COMMD1: variants seen among roughly 807,000 people sequenced by gnomAD.
The protein encoded by COMMD1 is COMM domain-containing protein 1.
In COMMD1, 10 loss-of-function variants were observed where a neutral mutation model predicts 17.2. That is an observed-to-expected ratio of 0.58 (90% CI 0.36 to 0.99). The LOEUF is 0.99. Among genes scored for constraint, COMMD1 ranks in the 50% least tolerant of loss-of-function variants. The probability of loss-of-function intolerance (pLI) is 0.01; values close to 1 mark genes in which losing one functional copy is unlikely to be tolerated. For missense variants in COMMD1, 270 were observed against 231.8 expected (o/e 1.17, Z -1.07); for synonymous variants, 97 against 91.6 (o/e 1.06, Z -0.34).
chr2:61,907,098 T>C (rs182857900), intron 1 of COMMD1, among the ~76,000 whole-genome samples: 2 of 152,294 alleles, frequency 1.3e-5, no homozygotes, highest in East Asian at 3.9e-4. Context: ...AGTGAATGCT[T>C]TCTATTTCTT....
At chr2:62,010,262 C>T (rs556206569) in intron 2 of COMMD1, among the ~76,000 whole-genome samples, 5 of 151,984 alleles carry the variant, frequency 3.3e-5, no homozygotes, top group East Asian at 1.9e-4. Flanking sequence ...TCCAGAATAC[C>T]GCATTTGCCT....
intron 2 of COMMD1, among the ~76,000 whole-genome samples, chr2:62,028,492 C>T (rs2103870647): frequency 6.6e-6 from 1 of 152,158 alleles, no homozygotes; most frequent in Middle Eastern, 3.4e-3. Flanking sequence ...AAGATTTTGA[C>T]AAAAACTTGA....
chr2:61,999,768 G>A (rs1035151333), intron 1 of COMMD1, among the ~76,000 whole-genome samples: 3 of 151,688 alleles, frequency 2.0e-5, no homozygotes, highest in Admixed American at 6.6e-5. Flanking sequence ...TTATCTCCCC[G>A]CCATAGAACT....
At chr2:62,113,958 C>T (rs1348988682) in intron 2 of COMMD1, among the ~76,000 whole-genome samples, 1 of 152,204 alleles carries the variant, frequency 6.6e-6, no homozygotes, top group African/African-American at 2.4e-5. Context: ...TGTAAATACT[C>T]ATCACAGCCC....
At chr2:62,019,068 C>G (rs1034288060) in intron 2 of COMMD1, among the ~76,000 whole-genome samples, 18 of 116,390 alleles carry the variant, frequency 1.5e-4, no homozygotes, top group Admixed American at 1.7e-4. Flanking sequence ...CTTTCTCTCT[C>G]TCTTTCTCTC....
chr2:61,960,879 G>T (rs1290503778), intron 1 of COMMD1, among the ~76,000 whole-genome samples: 2 of 152,172 alleles, frequency 1.3e-5, no homozygotes, highest in African/African-American at 2.4e-5. Context: ...CTTGGCCCTC[G>T]GGCGAGGTTA....
At chr2:62,062,314 A>G (rs1317215130) in intron 2 of COMMD1, among the ~76,000 whole-genome samples, 2 of 150,372 alleles carry the variant, frequency 1.3e-5, no homozygotes, top group African/African-American at 2.5e-5. Context: ...GCAACCTGCC[A>G]CTCCCAGGTT....
Position 62,027,700 on chromosome 2 carries a change from G to A in COMMD1, c.462+26718G>A, listed in dbSNP as rs187439233. Among the ~76,000 whole-genome samples the A allele has an allele frequency of 4.8e-3, 729 of 151,564 alleles. 7 individuals carry two copies. Among genetic ancestry groups the A allele is most frequent in the African/African-American group, 0.016 (651 of 41,122 alleles). On this transcript the variant is annotated intron_variant, in intron 2 of 2. Coordinates refer to ENST00000311832, the MANE Select transcript of COMMD1 (RefSeq NM_152516.4). ...TGTTATGTTATTTTTTTGAGACAAG[G>A]TCTCGCTCTGTCACCCAGGCTGGAG...
intron 1 of COMMD1, among the ~76,000 whole-genome samples, chr2:61,956,759 T>C (rs1671208422): frequency 6.6e-6 from 1 of 151,680 alleles, no homozygotes; most frequent in African/African-American, 2.4e-5. Flanking sequence ...TGTTTGTTTG[T>C]TTTGTTTTTT....
intron 1 of COMMD1, among the ~76,000 whole-genome samples, chr2:61,920,549 T>C (rs1400751191): frequency 1.3e-5 from 2 of 151,952 alleles, no homozygotes; most frequent in Non-Finnish European, 2.9e-5. Flanking sequence ...TTGCTTGGAG[T>C]GTTTAATAGG....
At chr2:62,104,719 A>T (rs1156680202) in intron 2 of COMMD1, among the ~76,000 whole-genome samples, 1 of 152,116 alleles carries the variant, frequency 6.6e-6, no homozygotes, top group Non-Finnish European at 1.5e-5. Context: ...CCAGCCAGTA[A>T]GTCATCATTT....
chr2:62,077,770 G>A (rs941419803), intron 2 of COMMD1, among the ~76,000 whole-genome samples: 1 of 152,002 alleles, frequency 6.6e-6, no homozygotes, highest in African/African-American at 2.4e-5. Context: ...CAAGGTGGTC[G>A]GGGTGCAGCT....
chr2:61,929,338 C>T (rs1413004470), intron 1 of COMMD1, among the ~76,000 whole-genome samples: 4 of 152,210 alleles, frequency 2.6e-5, no homozygotes, highest in African/African-American at 7.2e-5. Flanking sequence ...TCTATTTTGT[C>T]GGGGTCTAGC....
intron 2 of COMMD1, among the ~76,000 whole-genome samples, chr2:62,094,792 G>A (rs1671953652): frequency 1.3e-5 from 2 of 152,170 alleles, no homozygotes; most frequent in African/African-American, 4.8e-5. Flanking sequence ...GATACTTAAT[G>A]TTCAAATTTA....
intron 1 of COMMD1, among the ~76,000 whole-genome samples, chr2:61,926,033 T>C (rs1471436872): frequency 6.6e-6 from 1 of 152,030 alleles, no homozygotes; most frequent in Non-Finnish European, 1.5e-5. Context: ...TGCTGTGGCA[T>C]GATCTCAGCT....
rs559615833 is a variant in COMMD1, at chr2:61,948,152, A to G, written c.180+42294A>G. 3.9e-5 allele frequency among the ~76,000 whole-genome samples: 6 copies of G among 152,274 alleles called. No individual in the cohort carries two copies. The South Asian group carries it at 1.2e-3, about 32-fold the overall frequency. Reference sequence around the variant, plus strand: ...TATTTTTGTTGTGTTTTTGTCACCTAGGCTGGAGTACAGTGGTGCAATCAC... The same window carrying G: ...TATTTTTGTTGTGTTTTTGTCACCTGGGCTGGAGTACAGTGGTGCAATCAC... On this transcript the variant is annotated intron_variant, in intron 1 of 2. Coordinates refer to ENST00000311832, the MANE Select transcript of COMMD1 (RefSeq NM_152516.4).
At chr2:61,917,982 TTG>T (rs1670092917) in intron 1 of COMMD1, among the ~76,000 whole-genome samples, 1 of 152,232 alleles carries the variant, frequency 6.6e-6, no homozygotes. Context: ...TAGGTTTCAT[TTG>T]TATTCTGTCT....
chr2:61,936,091 A>G (rs1670599959), intron 1 of COMMD1, among the ~76,000 whole-genome samples: 3 of 152,138 alleles, frequency 2.0e-5, no homozygotes, highest in African/African-American at 7.2e-5. Flanking sequence ...GTGCTGAGAC[A>G]CCATGCCCGG....
chr2:61,908,011 T>G (rs1351783639), intron 1 of COMMD1, among the ~76,000 whole-genome samples: 1 of 152,094 alleles, frequency 6.6e-6, no homozygotes, highest in Non-Finnish European at 1.5e-5. Context: ...AATACATTGC[T>G]GAATAATAAT....
Sources: allele counts gnomAD v4.1 joint callset (sites outside exome capture counted in the v4.1 genomes callset), GRCh38; gene constraint gnomAD v4.1.1; transcripts MANE v1.5; gene names NCBI Gene and HGNC (gene_info 2026-07-23, HGNC 2026-07-21).